The following OR2C3 variants were observed in gnomAD, a reference collection of about 807,000 sequenced individuals.
OR2C3 encodes olfactory receptor 2C3.
For missense variants in OR2C3, 425 were observed against 401.5 expected (o/e 1.06, Z -0.50); for synonymous variants, 178 against 163.4 (o/e 1.09, Z -0.68).
In OR2C3 at chr1:247,531,780, G is replaced by T. The variant is rs1453494553; in HGVS notation, c.732C>A (p.Ser244=). 8 of 1,614,162 alleles carry T rather than the reference G, an allele frequency of 5.0e-6. No homozygotes were observed. Among genetic ancestry groups the T allele is most frequent in the Non-Finnish European group, 6.8e-6 (8 of 1,180,020 alleles). ...GRRKAFNTCS[S]HVAVVSLFYG... is the part of the protein sequence containing the mutation. ...AAAACAGAGACACCACAGCCACGTG[G>T]GAAGAACAGGTGTTGAATGCCTTTC... The change falls in exon 3 of 3, where the codon TCC becomes TCA. Residue 244 remains serine (S), a synonymous_variant. Transcript: ENST00000641802.
At position 247,529,532 on chromosome 1, in the gene OR2C3, T is replaced by C. The variant is rs1158107852; in HGVS notation, c.*2017A>G. 1 of 152,162 alleles carries C rather than the reference T, an allele frequency of 6.6e-6. No homozygotes were observed. Among genetic ancestry groups the C allele is most frequent in the Non-Finnish European group, 1.5e-5 (1 of 68,024 alleles). 9.4% of individuals were successfully genotyped at this position (152,162 alleles called of 1,614,324 possible). ...CCTGCAGTCACCGTAACCTGATACATGAGTCCAGAAACCAACAAGACATGA... is the reference window on the plus strand; with the variant it reads ...CCTGCAGTCACCGTAACCTGATACACGAGTCCAGAAACCAACAAGACATGA... On this transcript the variant is annotated 3_prime_UTR_variant, in exon 3 of 3. Coordinates refer to ENST00000641802, the MANE Select transcript of OR2C3 (RefSeq NM_198074.6).
In OR2C3 at chr1:247,524,761, A is replaced by G. The variant is rs1558237643; in HGVS notation, c.*6788T>C. On this transcript the variant is annotated 3_prime_UTR_variant, in exon 3 of 3. Coordinates refer to ENST00000641802, the MANE Select transcript of OR2C3 (RefSeq NM_198074.6). ...AAAGGAAACAAACAAAACATAGCAA[A>G]AGGATAAAACGTCCCACTAGAAAAA... The G allele has an allele frequency of 6.6e-6, 1 of 152,238 alleles. No individual in the cohort carries two copies. The highest frequency in any genetic ancestry group is 1.9e-4 in the East Asian group (1 of 5,194). 9.4% of individuals were successfully genotyped at this position (152,238 alleles called of 1,614,324 possible).
At position 247,529,530 on chromosome 1, in the gene OR2C3, CAT is replaced by C. The variant is rs1198262550; in HGVS notation, c.*2017_*2018del. On this transcript the variant is annotated 3_prime_UTR_variant, in exon 3 of 3. Transcript: ENST00000641802. ...AACCTGCAGTCACCGTAACCTGATA[CAT>C]GAGTCCAGAAACCAACAAGACATGA... 1.3e-5 allele frequency: 2 copies of C among 152,176 alleles called. No homozygotes were observed. Among genetic ancestry groups the C allele is most frequent in the African/African-American group, 4.8e-5 (2 of 41,434 alleles). The allele number at this position is 152,176 out of a possible 1,614,324, so 9.4% of individuals were successfully genotyped here. A position where few individuals can be genotyped will look rare whatever the true frequency, so the allele number is the denominator to read the frequency against.
chr1:247,532,198 G>A lies in OR2C3; in HGVS notation c.314C>T (p.Ser105Phe). The A allele has an allele frequency of 6.2e-7, 1 of 1,614,200 alleles. No individual in the cohort carries two copies. Among genetic ancestry groups the A allele is most frequent in the South Asian group, 1.1e-5 (1 of 91,076 alleles). ...YGGCVVQFYI[S>F]HWLGATECVL... ...ACACTCGGTTGCCCCCAGCCAATGGGAGATATAGAACTGGACCACACACCC... is the reference window on the plus strand; with the variant it reads ...ACACTCGGTTGCCCCCAGCCAATGGAAGATATAGAACTGGACCACACACCC... The change falls in exon 3 of 3, where the codon TCC becomes TTC. Residue 105 changes from serine (S) to phenylalanine (F), a missense_variant. Transcript: ENST00000641802.
chr1:247,534,321 A>C (rs1667130675), intron 1 of OR2C3, among the ~76,000 whole-genome samples: 1 of 152,154 alleles, frequency 6.6e-6, no homozygotes, highest in South Asian at 2.1e-4. Flanking sequence ...ATATTCATGG[A>C]CGTGCATCAT....
chr1:247,526,299 T>C lies in OR2C3; in HGVS notation c.*5250A>G, dbSNP rs1298199853. 2 of 152,228 alleles carry C rather than the reference T, an allele frequency of 1.3e-5. No homozygotes were observed. Among genetic ancestry groups the C allele is most frequent in the Non-Finnish European group, 2.9e-5 (2 of 68,034 alleles). The allele number at this position is 152,228 out of a possible 1,614,324, so 9.4% of individuals were successfully genotyped here. On this transcript the variant is annotated 3_prime_UTR_variant, in exon 3 of 3. Transcript: ENST00000641802. This position sits in a 1 kb window ranked among gnomAD's most constrained non-coding sequence, Gnocchi z 4.8. ...TTTTTAAAGTTTATATTTTTTACTC[T>C]ATCTGGCTCATAATACCTGACCTAA...
rs541999207 is a variant in OR2C3 at position 247,528,865 on chromosome 1, G to A, written c.*2684C>T. On this transcript the variant is annotated 3_prime_UTR_variant, in exon 3 of 3. Transcript: ENST00000641802. Reference sequence around the variant, plus strand: ...AAGTGCACAGATCATGAAGATATCTGTCTGACATAAATGCCCATGAGAGGG... The same window carrying A: ...AAGTGCACAGATCATGAAGATATCTATCTGACATAAATGCCCATGAGAGGG... The A allele has an allele frequency of 2.6e-5, 4 of 152,264 alleles. No individual in the cohort carries two copies. Among genetic ancestry groups the A allele is most frequent in the African/African-American group, 9.6e-5 (4 of 41,552 alleles). 9.4% of individuals were successfully genotyped at this position (152,264 alleles called of 1,614,324 possible). A position where few individuals can be genotyped will look rare whatever the true frequency, so the allele number is the denominator to read the frequency against.
At position 247,532,382 on chromosome 1, in the gene OR2C3, C is replaced by CA; in HGVS notation, c.129dup (p.Gly44TrpfsTer42). The CA allele has an allele frequency of 6.2e-7, 1 of 1,614,104 alleles. No homozygotes were observed. Among genetic ancestry groups the CA allele is most frequent in the Admixed American group, 1.7e-5 (1 of 60,026 alleles). ...GTATGGGAGACCAGAATGATGATGC[C>CA]ATTGCCCAAGATCGATACCATGTAA... On this transcript the variant is annotated frameshift_variant, in exon 3 of 3. Transcript: ENST00000641802. LOFTEE classifies it low-confidence loss of function (END_TRUNC).
chr1:247,532,494 A>G lies in OR2C3; in HGVS notation c.18T>C (p.Asn6=), dbSNP rs1165450803. 1 of 1,613,894 alleles carries G rather than the reference A, an allele frequency of 6.2e-7. No homozygotes were observed. The highest frequency in any genetic ancestry group is 1.1e-5 in the South Asian group (1 of 91,056). Residue 6 remains asparagine (N), a synonymous_variant, in exon 3 of 3, where the codon AAT becomes AAC. Coordinates refer to ENST00000641802, the MANE Select transcript of OR2C3 (RefSeq NM_198074.6). ...GGACAAAGACTTCTGGAGAACTCAC[A>G]TTGGCTATTTCCATCATTGTATGCT... is the stretch of plus-strand genomic sequence containing the variant. MMEIA[N]VSSPEVFVLL...
chr1:247,534,471 G>A (rs1370815816), intron 1 of OR2C3, among the ~76,000 whole-genome samples: 1 of 152,182 alleles, frequency 6.6e-6, no homozygotes, highest in Non-Finnish European at 1.5e-5. Flanking sequence ...TCATGCAGAA[G>A]GGTCTGGACT....
rs1327931923 is a variant in OR2C3, at chr1:247,524,696, G to A, written c.*6853C>T. 1 of 152,034 alleles carries A rather than the reference G, an allele frequency of 6.6e-6. No individual in the cohort carries two copies. Among genetic ancestry groups the A allele is most frequent in the Admixed American group, 6.6e-5 (1 of 15,262 alleles). 9.4% of individuals were successfully genotyped at this position (152,034 alleles called of 1,614,324 possible). Reference sequence around the variant, plus strand: ...AGAAGGCATAAAGGCATGATTGATAGTTTATTTAATACATATAACATTTAA... The same window carrying A: ...AGAAGGCATAAAGGCATGATTGATAATTTATTTAATACATATAACATTTAA... On this transcript the variant is annotated 3_prime_UTR_variant, in exon 3 of 3. Coordinates refer to ENST00000641802, the MANE Select transcript of OR2C3 (RefSeq NM_198074.6).
chr1:247,536,017 C>G (rs111837154), intron 1 of OR2C3, among the ~76,000 whole-genome samples, 151 bp downstream of exon 1: 8 of 152,278 alleles, frequency 5.3e-5, no homozygotes, highest in African/African-American at 1.7e-4. Flanking sequence ...GCTAGAATAT[C>G]AAAGGCCACA....
intron 1 of OR2C3, among the ~76,000 whole-genome samples, chr1:247,534,307 A>G (rs1186121394): frequency 6.6e-6 from 1 of 152,132 alleles, no homozygotes; most frequent in African/African-American, 2.4e-5. Context: ...TAGTCCCTTA[A>G]TCAATATTCA....
In OR2C3 at chr1:247,531,596, C is replaced by T. The variant is rs532873833; in HGVS notation, c.916G>A (p.Val306Ile). The T allele has an allele frequency of 6.2e-7, 1 of 1,614,132 alleles. No individual in the cohort carries two copies. The highest frequency in any genetic ancestry group is 8.5e-7 in the Non-Finnish European group (1 of 1,180,016). ...GCAGAGCCACAGCAGTTCTCTAATA[C>T]CATGTGCCGGAGGGCGCTCTTCACC... Reference protein sequence around the residue: ...TEVKSALRHMVLENCCGSAGK... With the variant: ...TEVKSALRHMILENCCGSAGK... Residue 306 changes from valine (V) to isoleucine (I), a missense_variant, in exon 3 of 3, where the codon GTA (valine) becomes ATA (isoleucine). Val to Ile is a conservative substitution (Grantham distance 29). Transcript: ENST00000641802.
rs1666982300 is a variant in OR2C3 at position 247,531,885 on chromosome 1, G to C, written c.627C>G (p.Val209=). ...AGACCAGGATGAGCCCCAGAGGCAG[G>C]ACAACAAAGACAAAGCTGGCCAGGT... is the stretch of plus-strand genomic sequence containing the variant. ...EMYLASFVFV[V]LPLGLILVSY... is the part of the protein sequence containing the mutation. Residue 209 remains valine (V), a synonymous_variant, in exon 3 of 3, where the codon GTC becomes GTG. Coordinates refer to ENST00000641802, the MANE Select transcript of OR2C3 (RefSeq NM_198074.6). The C allele has an allele frequency of 6.2e-7, 1 of 1,614,212 alleles. No individual in the cohort carries two copies. Among genetic ancestry groups the C allele is most frequent in the Non-Finnish European group, 8.5e-7 (1 of 1,180,034 alleles).
In OR2C3 at chr1:247,531,848, T is replaced by A; in HGVS notation, c.664A>T (p.Ile222Phe). Residue 222 changes from isoleucine to phenylalanine, a missense_variant, in exon 3 of 3, where the codon ATT (isoleucine) becomes TTT (phenylalanine). Ile to Phe is a conservative substitution (Grantham distance 21). Transcript: ENST00000641802. Reference protein sequence around the residue: ...LGLILVSYGHIARAVLKIRSA... With the variant: ...LGLILVSYGHFARAVLKIRSA... ...CTGATCTTCAACACGGCCCGGGCAA[T>A]GTGGCCGTAAGAGACCAGGATGAGC... is the stretch of plus-strand genomic sequence containing the variant. 6.2e-7 allele frequency: 1 copy of A among 1,614,086 alleles called. No homozygotes were observed. The highest frequency in any genetic ancestry group is 8.5e-7 in the Non-Finnish European group (1 of 1,180,000).
rs12563814 is a variant in OR2C3 at position 247,533,555 on chromosome 1, G to T, written c.-78C>A. The T allele has an allele frequency of 1.3e-5, 2 of 152,154 alleles. No individual in the cohort carries two copies. Among genetic ancestry groups the T allele is most frequent in the Non-Finnish European group, 2.9e-5 (2 of 68,058 alleles). 9.4% of individuals were successfully genotyped at this position (152,154 alleles called of 1,614,324 possible). ...ACCTCCATTCCAGAGAGGTCTTATTGCATACCAAGAAAAAAGGAACACTGC... is the reference window on the plus strand; with the variant it reads ...ACCTCCATTCCAGAGAGGTCTTATTTCATACCAAGAAAAAAGGAACACTGC... On this transcript the variant is annotated 5_prime_UTR_variant, in exon 2 of 3. Transcript: ENST00000641802.
rs1391304437 is a variant in OR2C3, at chr1:247,526,256, T to C, written c.*5293A>G. The stretch of plus-strand genomic sequence containing the variant: ...CTTTCTTACCATGAGAAGCTTGCCA[T>C]GTTGAGGGTGATTATAATTTTTAAA... On this transcript the variant is annotated 3_prime_UTR_variant, in exon 3 of 3. Transcript: ENST00000641802. The surrounding 1 kb of genome is among the most constrained non-coding windows in gnomAD (Gnocchi z 4.8). 2.6e-5 allele frequency: 4 copies of C among 152,200 alleles called. No homozygotes were observed. Among genetic ancestry groups the C allele is most frequent in the Non-Finnish European group, 5.9e-5 (4 of 68,032 alleles). 9.4% of individuals were successfully genotyped at this position (152,200 alleles called of 1,614,324 possible).
In OR2C3 at chr1:247,526,546, C is replaced by G; in HGVS notation, c.*5003G>C. The stretch of plus-strand genomic sequence containing the variant: ...GCATCTTACTTCAGGAAGTGTGTCT[C>G]CACTGGCTTACATCCCCACAGTCAA... On this transcript the variant is annotated 3_prime_UTR_variant, in exon 3 of 3. Transcript: ENST00000641802. This position sits in a 1 kb window ranked among gnomAD's most constrained non-coding sequence, Gnocchi z 4.8. 6.1e-6 allele frequency: 1 copy of G among 164,740 alleles called. No individual in the cohort carries two copies. The highest frequency in any genetic ancestry group is 1.6e-4 in the South Asian group (1 of 6,308). 10.2% of individuals were successfully genotyped at this position (164,740 alleles called of 1,614,324 possible).
Sources: gnomAD v4.1 joint callset for allele counts (sites outside exome capture counted in the v4.1 genomes callset) on GRCh38, gnomAD v4.1.1 for gene constraint, Gnocchi (gnomAD v3.1) non-coding constraint, MANE v1.5 for transcripts, NCBI Gene and HGNC (gene_info 2026-07-23, HGNC 2026-07-21) for gene names.